The following CLMP variants were observed in gnomAD, a reference collection of about 807,000 sequenced individuals.
The protein encoded by CLMP is CXADR-like membrane protein.
In CLMP, 27 loss-of-function variants were observed where a neutral mutation model predicts 45.2. That is an observed-to-expected ratio of 0.60 (90% CI 0.44 to 0.82). The LOEUF (loss-of-function observed/expected upper bound fraction) is 0.82, where lower values mean the gene tolerates loss of function less well. Among genes scored for constraint, CLMP ranks in the 40% least tolerant of loss-of-function variants. The probability of loss-of-function intolerance (pLI) is 0.00; values close to 1 mark genes in which losing one functional copy is unlikely to be tolerated. For synonymous variants in CLMP, 167 were observed against 171.4 expected (o/e 0.97, Z 0.20); for missense variants, 403 against 448.4 (o/e 0.90, Z 0.91).
chr11:123,123,120 G>A (rs1405421665), intron 1 of CLMP, among the ~76,000 whole-genome samples: 2 of 151,850 alleles, frequency 1.3e-5, no homozygotes, highest in Admixed American at 1.3e-4. Context: ...AAGCCACTAA[G>A]CCACTCTGGT....
intron 6 of CLMP, among the ~76,000 whole-genome samples, 177 bp from the exon 7 acceptor site, chr11:123,073,951 T>C (rs1053473964): frequency 3.3e-5 from 5 of 152,096 alleles, no homozygotes; most frequent in Non-Finnish European, 7.4e-5. Context: ...CTCACACAAA[T>C]GTATATTTTG....
At chr11:123,106,472 A>C (rs2135487709) in intron 1 of CLMP, among the ~76,000 whole-genome samples, 1 of 151,092 alleles carries the variant, frequency 6.6e-6, no homozygotes, top group East Asian at 2.0e-4. Context: ...TTTATGGAAC[A>C]CTGTATGCAG....
intron 1 of CLMP, among the ~76,000 whole-genome samples, chr11:123,174,489 T>G (rs988841953): frequency 1.2e-4 from 18 of 152,196 alleles, no homozygotes; most frequent in Admixed American, 6.5e-5. Context: ...AATATAATAT[T>G]TCATATCTAG....
chr11:123,181,692 AC>A (rs938283498), intron 1 of CLMP, among the ~76,000 whole-genome samples: 14 of 152,122 alleles, frequency 9.2e-5, no homozygotes, highest in Non-Finnish European at 1.8e-4. Context: ...TCTAAGATCC[AC>A]CCCCAGCTAG....
chr11:123,128,847 G>T (rs1221207408), intron 1 of CLMP, among the ~76,000 whole-genome samples: 1 of 152,118 alleles, frequency 6.6e-6, no homozygotes, highest in East Asian at 1.9e-4. Context: ...AGAGCTCTGT[G>T]AACAGCATCT....
intron 1 of CLMP, among the ~76,000 whole-genome samples, chr11:123,166,895 A>G (rs2135537653): frequency 6.6e-6 from 1 of 152,322 alleles, no homozygotes; most frequent in South Asian, 2.1e-4. Flanking sequence ...ATTGCACTCC[A>G]TAAATATGTA....
Position 123,154,060 on chromosome 11 carries a change from A to G in CLMP, c.28+40853T>C, listed in dbSNP as rs1252604083. On this transcript the variant is annotated intron_variant, in intron 1 of 6. Coordinates refer to ENST00000448775, the MANE Select transcript of CLMP (RefSeq NM_024769.5). ...TTTATAGAAGGTGTTGGGATTGGAC[A>G]CCTATCATAATGCTGACCTTCCAGC... 2.0e-5 allele frequency among the ~76,000 whole-genome samples: 3 copies of G among 152,020 alleles called. No individual in the cohort carries two copies. In the East Asian group the frequency reaches 5.8e-4, roughly 29 times the overall value.
At chr11:123,099,355 A>C (rs1013154983) in intron 1 of CLMP, among the ~76,000 whole-genome samples, 7 of 152,214 alleles carry the variant, frequency 4.6e-5, no homozygotes, top group African/African-American at 1.4e-4. Flanking sequence ...TGAAAAGACA[A>C]TTACACAAAT....
intron 5 of CLMP, among the ~76,000 whole-genome samples, chr11:123,075,693 T>C (rs76381550): frequency 0.11 from 16,212 of 151,782 alleles, 1,437 homozygotes; most frequent in African/African-American, 0.23. Context: ...AACCAAGTGG[T>C]TATGTTTTAG....
At chr11:123,105,705 T>C (rs1438762270) in intron 1 of CLMP, among the ~76,000 whole-genome samples, 3 of 151,854 alleles carry the variant, frequency 2.0e-5, no homozygotes, top group African/African-American at 7.3e-5. Flanking sequence ...GCTGGGATTA[T>C]AGGTGTGAGC....
At chr11:123,089,902 C>T (rs896582692) in intron 2 of CLMP, among the ~76,000 whole-genome samples, 2 of 151,110 alleles carry the variant, frequency 1.3e-5, no homozygotes, top group African/African-American at 4.9e-5. Flanking sequence ...GAGTTCGAGA[C>T]CAGCTTGACC....
chr11:123,084,542 C>T lies in CLMP; in HGVS notation c.358G>A (p.Val120Met), dbSNP rs141499494. ...ACTTTTAAGATGACATGGCTCCACA[C>T]GTAGCGCCCTGAATTCTTAACCTTA... Reference protein sequence around the residue: ...TCKVKNSGRYVWSHVILKVLV... With the variant: ...TCKVKNSGRYMWSHVILKVLV... The change falls in exon 3 of 7, where the codon GTG (valine) becomes ATG (methionine). Residue 120 changes from valine to methionine, a missense_variant. Val to Met is a conservative substitution (Grantham distance 21). Coordinates refer to ENST00000448775, the MANE Select transcript of CLMP (RefSeq NM_024769.5). 585 of 1,614,016 alleles carry T rather than the reference C, an allele frequency of 3.6e-4. 3 individuals are homozygous for T. The highest frequency in any genetic ancestry group is 2.3e-3 in the Middle Eastern group (14 of 6,084).
chr11:123,194,786 C>T, intron 1 of CLMP, 127 bp downstream of exon 1: 1 of 1,160,528 alleles, frequency 8.6e-7, no homozygotes, highest in Non-Finnish European at 1.3e-6. Flanking sequence ...GGCCAGGAGG[C>T]AGGGACTGAA....
intron 1 of CLMP, among the ~76,000 whole-genome samples, chr11:123,151,182 G>A (rs1197307713): frequency 6.6e-6 from 1 of 152,200 alleles, no homozygotes; most frequent in African/African-American, 2.4e-5. Context: ...CCAGGGCAGG[G>A]CCATGGAGAG....
At chr11:123,103,177 A>G (rs954388283) in intron 1 of CLMP, among the ~76,000 whole-genome samples, 1 of 152,152 alleles carries the variant, frequency 6.6e-6, no homozygotes, top group South Asian at 2.1e-4. Context: ...TGGGAAATTC[A>G]CTGGTTTGCA....
At chr11:123,075,927 C>G (rs1356283927) in intron 5 of CLMP, among the ~76,000 whole-genome samples, 2 of 152,116 alleles carry the variant, frequency 1.3e-5, no homozygotes, top group Admixed American at 6.6e-5. Flanking sequence ...AATCCCAGCA[C>G]TTTGGGAGGC....
chr11:123,111,136 G>A (rs1330296673), intron 1 of CLMP, among the ~76,000 whole-genome samples: 1 of 151,898 alleles, frequency 6.6e-6, no homozygotes, highest in African/African-American at 2.4e-5. Context: ...TATACAAAAG[G>A]TCTAGTTTTG....
At chr11:123,105,516 C>T (rs576789545) in intron 1 of CLMP, among the ~76,000 whole-genome samples, 229 of 151,808 alleles carry the variant, frequency 1.5e-3, no homozygotes, top group Non-Finnish European at 2.4e-3. Flanking sequence ...CCACAACCTC[C>T]GCCTCCTGGG....
At chr11:123,081,090 T>G (rs777165399) in intron 5 of CLMP, among the ~76,000 whole-genome samples, 1 of 150,980 alleles carries the variant, frequency 6.6e-6, no homozygotes, top group South Asian at 2.1e-4. Context: ...GAGGTGGAGG[T>G]GGCAATGAGC....
Sources: allele counts gnomAD v4.1 joint callset (sites outside exome capture counted in the v4.1 genomes callset), GRCh38; gene constraint gnomAD v4.1.1; transcripts MANE v1.5; gene names NCBI Gene and HGNC (gene_info 2026-07-23, HGNC 2026-07-21).